ZNF462: variants seen among roughly 807,000 people sequenced by gnomAD.
ZNF462 encodes zinc finger PBX1-interacting protein.
In ZNF462, 10 loss-of-function variants were observed where a neutral mutation model predicts 201.9. The observed-to-expected ratio is 0.05, with a 90% CI of 0.03 to 0.08. The LOEUF (loss-of-function observed/expected upper bound fraction) is 0.08. Among genes scored for constraint, ZNF462 ranks in the 10% least tolerant of loss-of-function variants. ZNF462 has a pLI of 1.00. For missense variants in ZNF462, 2,523 were observed against 3,168.3 expected (o/e 0.80, Z 4.89); for synonymous variants, 1,227 against 1,193.3 (o/e 1.03, Z -0.58).
rs1467948160 is a variant in ZNF462, at chr9:106,927,093, T to C, written c.3181T>C (p.Phe1061Leu). 1 of 1,614,110 alleles carries C rather than the reference T, an allele frequency of 6.2e-7. No individual in the cohort carries two copies. Among genetic ancestry groups the C allele is most frequent in the Non-Finnish European group, 8.5e-7 (1 of 1,180,022 alleles). The change falls in exon 3 of 13, where the codon TTT becomes CTT. Residue 1061 changes from phenylalanine to leucine, a missense_variant. By Grantham distance (22) the Phe-to-Leu change is conservative. Transcript: ENST00000277225. Reference protein sequence around the residue: ...KKHPEEKASYFRIQKTMRMVS... With the variant: ...KKHPEEKASYLRIQKTMRMVS... ...ACACCCCGAAGAAAAGGCTTCCTAC[T>C]TTAGGATCCAGAAAACTATGCGAAT...
rs747734662 is a variant in ZNF462 at position 106,926,899 on chromosome 9, G to T, written c.2987G>T (p.Arg996Leu). 6.2e-7 allele frequency: 1 copy of T among 1,614,074 alleles called. No individual in the cohort carries two copies. Among genetic ancestry groups the T allele is most frequent in the South Asian group, 1.1e-5 (1 of 91,066 alleles). The change falls in exon 3 of 13, where the codon CGT becomes CTT. Residue 996 changes from arginine to leucine, a missense_variant. Physicochemically the swap from Arg to Leu is moderately radical, Grantham distance 102. This residue lies in a region of ZNF462 where 280 missense variants were observed against 321.3 expected (regional missense o/e 0.87). Transcript: ENST00000277225. The surrounding 1 kb of genome is among the most constrained non-coding windows in gnomAD (Gnocchi z 7.9). Reference protein sequence around the residue: ...KNMATSTPVARGGGLPATFNK... With the variant: ...KNMATSTPVALGGGLPATFNK... ...ATGGCGACTTCCACACCTGTGGCTC[G>T]TGGTGGTGGTTTGCCAGCTACGTTC...
In ZNF462 at chr9:106,928,776, G is replaced by A. The variant is rs769650447; in HGVS notation, c.4864G>A (p.Glu1622Lys). ...PPKLPVPLEPEMTTEVSPSQV... is the reference protein window; with the variant it reads ...PPKLPVPLEPKMTTEVSPSQV... The stretch of plus-strand genomic sequence containing the variant: ...GAAGCTGCCAGTCCCCCTCGAGCCC[G>A]AGATGACCACTGAAGTGAGCCCTTC... The change falls in exon 3 of 13, where the codon GAG (glutamate) becomes AAG (lysine). Residue 1622 changes from glutamate (E) to lysine (K), a missense_variant. Physicochemically the swap from Glu to Lys is moderately conservative, Grantham distance 56 (BLOSUM62 1). Transcript: ENST00000277225. This position sits in a 1 kb window ranked among gnomAD's most constrained non-coding sequence, Gnocchi z 9.3. 25 of 1,613,958 alleles carry A rather than the reference G, an allele frequency of 1.5e-5. No homozygotes were observed. The highest frequency in any genetic ancestry group is 2.2e-5 in the East Asian group (1 of 44,884).
rs1012791763 is a variant in ZNF462 at position 106,930,958 on chromosome 9, T to G, written c.6012+269T>G. 2 of 352,282 alleles carry G rather than the reference T, an allele frequency of 5.7e-6. No individual in the cohort carries two copies. Among genetic ancestry groups the G allele is most frequent in the African/African-American group, 4.1e-5 (2 of 48,840 alleles). 21.8% of individuals were successfully genotyped at this position (352,282 alleles called of 1,614,324 possible). A position where few individuals can be genotyped will look rare whatever the true frequency, so the allele number is the denominator to read the frequency against. ...TCCAGGATTCTCGGTCTAGGAGGCT[T>G]CGGGTCGTCCTTCTATTCTGCGTTT... On this transcript the variant is annotated intron_variant, in intron 4 of 12. Transcript: ENST00000277225. This position sits in a 1 kb window ranked among gnomAD's most constrained non-coding sequence, Gnocchi z 5.8.
At position 106,890,472 on chromosome 9, in the gene ZNF462, A is replaced by G. The variant is rs1464538296; in HGVS notation, c.-31+27117A>G. ...TTGAAGCCACTTAATCAAATATCAT[A>G]TCCACACACCTGCAGTTCTTTCTCT... On this transcript the variant is annotated intron_variant, in intron 1 of 12. Coordinates refer to ENST00000277225, the MANE Select transcript of ZNF462 (RefSeq NM_021224.6). This position sits in a 1 kb window ranked among gnomAD's most constrained non-coding sequence, Gnocchi z 4.2. 1.3e-5 allele frequency among the ~76,000 whole-genome samples: 2 copies of G among 152,224 alleles called. No individual in the cohort carries two copies. The highest frequency in any genetic ancestry group is 2.9e-5 in the Non-Finnish European group (2 of 68,030).
Position 106,933,025 on chromosome 9 carries a change from C to G in ZNF462, c.6116+476C>G. On this transcript the variant is annotated intron_variant, in intron 5 of 12. Coordinates refer to ENST00000277225, the MANE Select transcript of ZNF462 (RefSeq NM_021224.6). The surrounding 1 kb of genome is among the most constrained non-coding windows in gnomAD (Gnocchi z 4.3). ...GAAGTTCATGGATGCCAAAGAGTTG[C>G]TTGACATACAGGGAGATTGAGGAGA... 2 of 195,048 alleles carry G rather than the reference C, an allele frequency of 1.0e-5. No individual in the cohort carries two copies. The highest frequency in any genetic ancestry group is 1.1e-4 in the Admixed American group (2 of 18,916). The allele number at this position is 195,048 out of a possible 1,614,324, so 12.1% of individuals were successfully genotyped here.
chr9:106,945,882 A>AGG (rs1831083618), intron 7 of ZNF462, among the ~76,000 whole-genome samples: 1 of 152,244 alleles, frequency 6.6e-6, no homozygotes, highest in Non-Finnish European at 1.5e-5. Flanking sequence ...TCAGTGGCAA[A>AGG]GAGCAACCCT....
Position 106,928,510 on chromosome 9 carries a change from A to G in ZNF462, c.4598A>G (p.His1533Arg). The G allele has an allele frequency of 6.2e-7, 1 of 1,614,136 alleles. No individual in the cohort carries two copies. The highest frequency in any genetic ancestry group is 8.5e-7 in the Non-Finnish European group (1 of 1,180,036). The stretch of plus-strand genomic sequence containing the variant: ...ACCCGCATCCACGGCGTACTGACCC[A>G]CTACCAGAAGCGACACCCGTCCATC... ...INTRIHGVLT[H>R]YQKRHPSIKV... Residue 1533 changes from histidine (H) to arginine (R), a missense_variant, in exon 3 of 13, where the codon CAC (histidine) becomes CGC (arginine). By Grantham distance (29) the His-to-Arg change is conservative. Coordinates refer to ENST00000277225, the MANE Select transcript of ZNF462 (RefSeq NM_021224.6). The surrounding 1 kb of genome is among the most constrained non-coding windows in gnomAD (Gnocchi z 9.3).
At position 106,932,547 on chromosome 9, in the gene ZNF462, C is replaced by T. The variant is rs1187524386; in HGVS notation, c.6114C>T (p.His2038=). ...QYCSFVSAFR[H]NLDRHMQTHH... is the part of the protein sequence containing the mutation. The stretch of plus-strand genomic sequence containing the variant: ...GCTCGTTTGTTTCTGCTTTCAGGCA[C>T]AAGTAAGTGCTATTGGGGGGTCACT... Residue 2038 remains histidine (H), a splice_region_variant and synonymous_variant, in exon 5 of 13, where the codon CAC becomes CAT. Transcript: ENST00000277225. This position sits in a 1 kb window ranked among gnomAD's most constrained non-coding sequence, Gnocchi z 6.8. 5.6e-6 allele frequency: 9 copies of T among 1,614,098 alleles called. No individual in the cohort carries two copies. The highest frequency in any genetic ancestry group is 7.6e-6 in the Non-Finnish European group (9 of 1,180,052).
intron 1 of ZNF462, among the ~76,000 whole-genome samples, chr9:106,875,302 G>A (rs1469746365): frequency 1.3e-5 from 2 of 152,016 alleles, no homozygotes; most frequent in African/African-American, 4.8e-5. Context: ...AGTTTTTAGG[G>A]GTCAAGTATA....
Position 106,927,240 on chromosome 9 carries a change from A to C in ZNF462, c.3328A>C (p.Ser1110Arg). The C allele has an allele frequency of 8.0e-7, 1 of 1,244,978 alleles. No individual in the cohort carries two copies. The highest frequency in any genetic ancestry group is 1.9e-5 in the African/African-American group (1 of 53,582). The allele number at this position is 1,244,978 out of a possible 1,614,324, so 77.1% of individuals were successfully genotyped here. ...CCCACAACCCCCGCCACCAGACCTCAGTACTGAGCTTTACTACTGCAAACA... is the reference window on the plus strand; with the variant it reads ...CCCACAACCCCCGCCACCAGACCTCCGTACTGAGCTTTACTACTGCAAACA... ...PPPQPPPPDL[S>R]TELYYCKHCS... The change falls in exon 3 of 13, where the codon AGT (serine) becomes CGT (arginine). Residue 1110 changes from serine (S) to arginine (R), a missense_variant. Coordinates refer to ENST00000277225, the MANE Select transcript of ZNF462 (RefSeq NM_021224.6).
At chr9:106,997,083 T>C (rs1420413014) in intron 10 of ZNF462, among the ~76,000 whole-genome samples, 3 of 152,076 alleles carry the variant, frequency 2.0e-5, no homozygotes, top group African/African-American at 7.3e-5. Context: ...CTAACTGGTT[T>C]GTTTGGCTGA....
At chr9:106,946,991 A>G (rs959660061) in intron 7 of ZNF462, among the ~76,000 whole-genome samples, 1 of 152,196 alleles carries the variant, frequency 6.6e-6, no homozygotes, top group African/African-American at 2.4e-5. Context: ...GTAAATAACA[A>G]CCAACAGAAA....
In ZNF462 at chr9:106,930,784, A is replaced by C; in HGVS notation, c.6012+95A>C. On this transcript the variant is annotated intron_variant, in intron 4 of 12. Coordinates refer to ENST00000277225, the MANE Select transcript of ZNF462 (RefSeq NM_021224.6). The surrounding 1 kb of genome is among the most constrained non-coding windows in gnomAD (Gnocchi z 5.8). ...AAAGCAGCTCAGGAAAGAGCATCTCAGAATGCGGGCATTCCTGAATTATGC... is the reference window on the plus strand; with the variant it reads ...AAAGCAGCTCAGGAAAGAGCATCTCCGAATGCGGGCATTCCTGAATTATGC... 5.6e-6 allele frequency: 8 copies of C among 1,437,242 alleles called. No homozygotes were observed. Among genetic ancestry groups the C allele is most frequent in the Non-Finnish European group, 7.6e-6 (8 of 1,051,294 alleles). The allele number at this position is 1,437,242 out of a possible 1,614,324, so 89.0% of individuals were successfully genotyped here.
At chr9:106,983,682 T>C (rs1221503885) in intron 9 of ZNF462, among the ~76,000 whole-genome samples, 1 of 152,192 alleles carries the variant, frequency 6.6e-6, no homozygotes, top group Non-Finnish European at 1.5e-5. Flanking sequence ...TTTGTAAAAA[T>C]GAGAGTAACT....
chr9:106,956,734 C>G (rs913579823), intron 7 of ZNF462, among the ~76,000 whole-genome samples: 1 of 152,188 alleles, frequency 6.6e-6, no homozygotes, highest in Non-Finnish European at 1.5e-5. Context: ...TACGTCAGCA[C>G]TTGCTGCTTC....
Position 106,870,932 on chromosome 9 carries a change from G to A in ZNF462, c.-31+7577G>A, listed in dbSNP as rs1157060263. Among the ~76,000 whole-genome samples, 6 of 152,142 alleles carry A rather than the reference G, an allele frequency of 3.9e-5. No homozygotes were observed. Among genetic ancestry groups the A allele is most frequent in the Admixed American group, 3.9e-4 (6 of 15,268 alleles). ...TCTTTTTCCTGTTCAGATTTAAGAA[G>A]GTAATGCCATTATTCTTCAGTTTTG... On this transcript the variant is annotated intron_variant, in intron 1 of 12. Transcript: ENST00000277225. The surrounding 1 kb of genome is among the most constrained non-coding windows in gnomAD (Gnocchi z 4.3).
rs577377428 is a variant in ZNF462, at chr9:106,905,491, T to G, written c.-30-17863T>G. 6.6e-6 allele frequency among the ~76,000 whole-genome samples: 1 copy of G among 152,116 alleles called. No homozygotes were observed. The highest frequency in any genetic ancestry group is 2.1e-4 in the South Asian group (1 of 4,828). ...GGCGGGGCCCTAGAATCCCCAAGAT[T>G]ATATGCCCTTTGTCTTCCACTACTA... is the stretch of plus-strand genomic sequence containing the variant. On this transcript the variant is annotated intron_variant, in intron 1 of 12. Transcript: ENST00000277225. This position sits in a 1 kb window ranked among gnomAD's most constrained non-coding sequence, Gnocchi z 5.9.
At chr9:106,878,743 T>G (rs1318046540) in intron 1 of ZNF462, among the ~76,000 whole-genome samples, 1 of 152,224 alleles carries the variant, frequency 6.6e-6, no homozygotes, top group African/African-American at 2.4e-5. Flanking sequence ...TTAGATGCAT[T>G]CATTTCTACG....
rs565877057 is a variant in ZNF462, at chr9:106,921,539, T to C, written c.-30-1815T>C. Among the ~76,000 whole-genome samples, 6 of 152,294 alleles carry C rather than the reference T, an allele frequency of 3.9e-5. No individual in the cohort carries two copies. In the East Asian group the frequency reaches 1.2e-3, roughly 29 times the overall value. ...AGGACTAGGGCAGCTTAGTGAGTCTTAGAGCTTCAGTGACGCAGGAGCTCA... is the reference window on the plus strand; with the variant it reads ...AGGACTAGGGCAGCTTAGTGAGTCTCAGAGCTTCAGTGACGCAGGAGCTCA... On this transcript the variant is annotated intron_variant, in intron 1 of 12. Transcript: ENST00000277225.
Sources: allele counts gnomAD v4.1 joint callset (sites outside exome capture counted in the v4.1 genomes callset), GRCh38; gene constraint gnomAD v4.1.1; regional missense constraint gnomAD v4.1.1; non-coding constraint Gnocchi (gnomAD v3.1); transcripts MANE v1.5; gene names NCBI Gene and HGNC (gene_info 2026-07-23, HGNC 2026-07-21).